Variants in SGCD observed in about 807,000 individuals in gnomAD.
The protein encoded by SGCD is sarcoglycan delta, also known as delta-sarcoglycan.
Under a neutral mutation model 36.6 loss-of-function variants are expected in SGCD, and 18 were observed. The ratio of observed to expected loss-of-function variants is 0.49; its 90% confidence interval spans 0.34 to 0.73. SGCD has a LOEUF of 0.73. SGCD is among the 30% of genes least tolerant of loss of function. The pLI is 0.01. For missense variants in SGCD, 387 were observed against 346.7 expected (o/e 1.12, Z -0.92); for synonymous variants, 133 against 130.6 (o/e 1.02, Z -0.12).
chr5:156,348,697 A>T (rs570788652), intron 3 of SGCD, among the ~76,000 whole-genome samples: 39 of 152,326 alleles, frequency 2.6e-4, no homozygotes, highest in African/African-American at 8.7e-4. Context: ...CTACAGAGTC[A>T]ATGTACTTCC....
At chr5:156,381,634 T>C (rs1246468704) in intron 3 of SGCD, among the ~76,000 whole-genome samples, 1 of 152,170 alleles carries the variant, frequency 6.6e-6, no homozygotes, top group Admixed American at 6.5e-5. Flanking sequence ...ATGACACATA[T>C]AGTTGAGCCA....
chr5:156,145,816 A>G (rs190071483), intron 3 of SGCD, among the ~76,000 whole-genome samples: 1 of 152,360 alleles, frequency 6.6e-6, no homozygotes, highest in Admixed American at 6.5e-5. Flanking sequence ...TGTAAACCAC[A>G]GAATGAACAA....
intron 1 of SGCD, among the ~76,000 whole-genome samples, chr5:156,023,986 A>T (rs925927880): frequency 6.6e-6 from 1 of 152,198 alleles, no homozygotes; most frequent in East Asian, 1.9e-4. Context: ...CTCTTAGGAC[A>T]GGTCACCAGA....
intron 3 of SGCD, among the ~76,000 whole-genome samples, chr5:156,420,186 T>C (rs1773236615): frequency 6.6e-6 from 1 of 152,164 alleles, no homozygotes; most frequent in Non-Finnish European, 1.5e-5. Context: ...CCTCTGTAAA[T>C]ATTATCTATA....
At chr5:155,729,707 G>T in the SGCD span, among the ~76,000 whole-genome samples, 1 of 152,286 alleles carries the variant, frequency 6.6e-6, no homozygotes, top group Non-Finnish European at 1.5e-5. Flanking sequence ...GCTTCTAGGG[G>T]TGCATCTGAA....
At chr5:155,754,268 G>A in the SGCD span, among the ~76,000 whole-genome samples, 8 of 152,256 alleles carry the variant, frequency 5.3e-5, 1 homozygote, top group African/African-American at 1.4e-4. Flanking sequence ...TTGTGTAAAC[G>A]AAATGAGATA....
chr5:156,292,163 T>G (rs915007597), intron 3 of SGCD, among the ~76,000 whole-genome samples: 1 of 152,118 alleles, frequency 6.6e-6, no homozygotes, highest in Non-Finnish European at 1.5e-5. Flanking sequence ...CATTTTTAAG[T>G]GTACACTTCA....
At position 156,329,627 on chromosome 5, in the gene SGCD, C is replaced by G. The variant is rs751555389; in HGVS notation, c.3+48C>G. The G allele has an allele frequency of 3.8e-6, 6 of 1,565,256 alleles. 1 individual carries two copies. The South Asian group carries it at 6.8e-5, about 18-fold the overall frequency. On this transcript the variant is annotated intron_variant, in intron 2 of 8. Transcript: ENST00000337851. ...GCTTGTTCAAGGCCCTGCTCATGGT[C>G]ATTTTATTATTAACATAAACTTTTG...
chr5:156,422,481 A>G (rs1773359972), intron 3 of SGCD, among the ~76,000 whole-genome samples: 2 of 152,038 alleles, frequency 1.3e-5, no homozygotes, highest in South Asian at 4.1e-4. Context: ...GCATCACAAC[A>G]GCTTTTTAAA....
chr5:156,444,543 A>G (rs1753678013), intron 3 of SGCD, among the ~76,000 whole-genome samples: 1 of 151,952 alleles, frequency 6.6e-6, no homozygotes, highest in Admixed American at 6.6e-5. Flanking sequence ...AAGATGATTT[A>G]CCTGAAAAGG....
At chr5:156,206,073 C>T (rs1764271451) in intron 3 of SGCD, among the ~76,000 whole-genome samples, 1 of 149,942 alleles carries the variant, frequency 6.7e-6, no homozygotes, top group South Asian at 2.1e-4. Flanking sequence ...TATATGTAGA[C>T]TTACTCATAT....
intron 3 of SGCD, among the ~76,000 whole-genome samples, chr5:156,398,620 C>T (rs1456072088): frequency 6.6e-6 from 1 of 152,184 alleles, no homozygotes; most frequent in Admixed American, 6.5e-5. Flanking sequence ...ATTTCCCAGC[C>T]TCTCTTGCAT....
intron 3 of SGCD, among the ~76,000 whole-genome samples, chr5:156,273,704 A>C (rs1032147720): frequency 1.2e-4 from 19 of 152,190 alleles, no homozygotes; most frequent in Non-Finnish European, 2.6e-4. Flanking sequence ...TGGCTTTAGA[A>C]TTTTTAAAAG....
At chr5:155,983,536 A>T (rs1758270624) in intron 1 of SGCD, among the ~76,000 whole-genome samples, 1 of 152,096 alleles carries the variant, frequency 6.6e-6, no homozygotes, top group African/African-American at 2.4e-5. Flanking sequence ...CTGACCTCAG[A>T]TGATCTGCCT....
At chr5:156,225,686 A>G (rs950044791) in intron 3 of SGCD, among the ~76,000 whole-genome samples, 1 of 152,158 alleles carries the variant, frequency 6.6e-6, no homozygotes, top group African/African-American at 2.4e-5. Flanking sequence ...CTCTATCAAT[A>G]GTATCCTTAA....
intron 3 of SGCD, among the ~76,000 whole-genome samples, chr5:156,235,454 A>C (rs1765132468): frequency 6.6e-6 from 1 of 152,206 alleles, no homozygotes; most frequent in East Asian, 1.9e-4. Context: ...ATAGCACAGG[A>C]AGGAAATGGC....
At chr5:155,983,346 C>T (rs1045331808) in intron 1 of SGCD, among the ~76,000 whole-genome samples, 5 of 152,200 alleles carry the variant, frequency 3.3e-5, no homozygotes, top group African/African-American at 1.2e-4. Flanking sequence ...ATCACCCAGG[C>T]TGGAGTGCAG....
intron 6 of SGCD, among the ~76,000 whole-genome samples, chr5:156,632,397 T>C (rs1470056471): frequency 6.6e-6 from 1 of 152,190 alleles, no homozygotes; most frequent in African/African-American, 2.4e-5. Flanking sequence ...GGCAGAGACA[T>C]TGTAACTATC....
At chr5:156,648,264 C>CTT (rs4067498) in intron 7 of SGCD, among the ~76,000 whole-genome samples, 12,308 of 147,576 alleles carry the variant, frequency 0.083, 1,388 homozygotes, top group African/African-American at 0.25. Context: ...TGAATACTGG[C>CTT]TTTTTTTTTT....
Sources: allele counts gnomAD v4.1 joint callset (sites outside exome capture counted in the v4.1 genomes callset), GRCh38; gene constraint gnomAD v4.1.1; transcripts MANE v1.5; gene names NCBI Gene and HGNC (gene_info 2026-07-23, HGNC 2026-07-21).